Variants in COL23A1 observed in about 807,000 individuals in gnomAD.
COL23A1 encodes collagen type XXIII alpha 1 chain.
A neutral mutation model predicts 99.3 loss-of-function variants in COL23A1; 97 were observed. That is an observed-to-expected ratio of 0.98 (90% CI 0.83 to 1.16). The LOEUF (loss-of-function observed/expected upper bound fraction) is 1.16. COL23A1 is among the 50% of genes most tolerant of loss of function. COL23A1 has a pLI of 0.00. For missense variants in COL23A1, 762 were observed against 757.4 expected, an observed-to-expected ratio of 1.01 and a Z score of -0.07; for synonymous variants, 320 against 308.2, an observed-to-expected ratio of 1.04 and a Z score of -0.40.
intron 2 of COL23A1, among the ~76,000 whole-genome samples, chr5:178,419,634 C>T (rs72822890): frequency 0.039 from 5,966 of 152,304 alleles, 144 homozygotes; most frequent in Middle Eastern, 0.065. Flanking sequence ...GTTTCCTCCT[C>T]TTCTCCCCAC....
intron 5 of COL23A1, among the ~76,000 whole-genome samples, chr5:178,282,619 G>C (rs1452065203): frequency 6.6e-6 from 1 of 152,220 alleles, no homozygotes; most frequent in Non-Finnish European, 1.5e-5. Flanking sequence ...GCTAAGTCCT[G>C]TCACCCTCTG....
chr5:178,579,817 A>G (rs1351168902), intron 1 of COL23A1, among the ~76,000 whole-genome samples: 1 of 152,120 alleles, frequency 6.6e-6, no homozygotes, highest in East Asian at 1.9e-4. Context: ...GGATGTCCAC[A>G]CTCGCAGAAA....
At chr5:178,486,362 A>C (rs1359006355) in intron 2 of COL23A1, among the ~76,000 whole-genome samples, 2 of 152,226 alleles carry the variant, frequency 1.3e-5, no homozygotes, top group East Asian at 3.8e-4. Flanking sequence ...TGAGGCAAAG[A>C]AATCCTGCAG....
At chr5:178,418,174 A>G (rs1379360903) in intron 2 of COL23A1, among the ~76,000 whole-genome samples, 1 of 152,240 alleles carries the variant, frequency 6.6e-6, no homozygotes, top group Non-Finnish European at 1.5e-5. Context: ...CATAATGTGT[A>G]AAATGTGATA....
intron 2 of COL23A1, among the ~76,000 whole-genome samples, chr5:178,311,534 T>G (rs1362185748): frequency 7.0e-6 from 1 of 143,632 alleles, no homozygotes; most frequent in Non-Finnish European, 1.5e-5. Context: ...GTGTGTGTAA[T>G]GCGGGGCTTT....
intron 2 of COL23A1, among the ~76,000 whole-genome samples, chr5:178,532,902 G>C (rs114041353): frequency 3.9e-5 from 6 of 152,164 alleles, no homozygotes; most frequent in Admixed American, 6.5e-5. Context: ...ACCCGACCAC[G>C]CTGGCCCTGA....
chr5:178,490,394 G>A (rs1210982348), intron 2 of COL23A1, among the ~76,000 whole-genome samples: 1 of 152,102 alleles, frequency 6.6e-6, no homozygotes, highest in Non-Finnish European at 1.5e-5. Flanking sequence ...ATCTAGAATG[G>A]ACAGATTTAC....
intron 2 of COL23A1, among the ~76,000 whole-genome samples, chr5:178,513,397 C>T (rs1562040966): frequency 6.6e-6 from 1 of 152,200 alleles, no homozygotes; most frequent in Non-Finnish European, 1.5e-5. Flanking sequence ...AGCTGGAAAG[C>T]AGCAGAGAGG....
chr5:178,344,373 A>T (rs551493339), intron 2 of COL23A1, among the ~76,000 whole-genome samples: 1 of 152,274 alleles, frequency 6.6e-6, no homozygotes, highest in Admixed American at 6.5e-5. Context: ...GTGGTGGCTC[A>T]CGCCTGTAAT....
In COL23A1 at chr5:178,298,101, G is replaced by A. The variant is rs548880389; in HGVS notation, c.407-7732C>T. Among the ~76,000 whole-genome samples, 6 of 151,402 alleles carry A rather than the reference G, an allele frequency of 4.0e-5. No individual in the cohort carries two copies. In the South Asian group the frequency reaches 1.2e-3, roughly 32 times the overall value. ...CAAACATGTGTTCCAAGCATAGGAT[G>A]GTTCCACTGACTTTGCTGTCAGGAA... On this transcript the variant is annotated intron_variant, in intron 3 of 28. Coordinates refer to ENST00000390654, the MANE Select transcript of COL23A1 (RefSeq NM_173465.4).
chr5:178,424,771 C>A (rs1415592733), intron 2 of COL23A1, among the ~76,000 whole-genome samples: 1 of 152,220 alleles, frequency 6.6e-6, no homozygotes, highest in Non-Finnish European at 1.5e-5. Flanking sequence ...GAGTTACAGA[C>A]ACTGAATCCA....
intron 20 of COL23A1, 77 bp from the exon 21 acceptor site, chr5:178,247,908 T>C: frequency 7.7e-7 from 1 of 1,290,902 alleles, no homozygotes; most frequent in East Asian, 2.4e-5. Context: ...CATCGCACAC[T>C]GCTGGATCGA....
At chr5:178,335,518 G>C (rs1436681666) in intron 2 of COL23A1, among the ~76,000 whole-genome samples, 1 of 152,184 alleles carries the variant, frequency 6.6e-6, no homozygotes, top group East Asian at 1.9e-4. Flanking sequence ...CAGCGCCTGG[G>C]CATGTACCAG....
rs1030615900 is a variant in COL23A1 at position 178,309,281 on chromosome 5, G to T, written c.362-2362C>A. 3.0e-4 allele frequency among the ~76,000 whole-genome samples: 46 copies of T among 152,182 alleles called. No individual in the cohort carries two copies. The highest frequency in any genetic ancestry group is 9.9e-4 in the African/African-American group (41 of 41,450). On this transcript the variant is annotated intron_variant, in intron 2 of 28. Transcript: ENST00000390654. The surrounding 1 kb of genome is among the most constrained non-coding windows in gnomAD (Gnocchi z 4.7). ...TGATGGGGAGGGATGCTGGCAGGGT[G>T]GGCAGCTGCCCAGGCAGGGTAGGGT... is the stretch of plus-strand genomic sequence containing the variant.
intron 2 of COL23A1, among the ~76,000 whole-genome samples, chr5:178,494,239 C>T (rs904097364): frequency 1.1e-4 from 16 of 152,174 alleles, no homozygotes; most frequent in Admixed American, 4.6e-4. Context: ...CCGACAAGGA[C>T]ATGTGAGATT....
rs1054234493 is a variant in COL23A1 at position 178,327,982 on chromosome 5, G to A, written c.362-21063C>T. Among the ~76,000 whole-genome samples, 7 of 152,192 alleles carry A rather than the reference G, an allele frequency of 4.6e-5. No individual in the cohort carries two copies. In the South Asian group the frequency reaches 1.0e-3, roughly 22 times the overall value. ...CAGCTAGGGCTGAAGGACTGACAAC[G>A]AGGACCTTGCCTGCAGAGCAGAGAC... is the stretch of plus-strand genomic sequence containing the variant. On this transcript the variant is annotated intron_variant, in intron 2 of 28. Transcript: ENST00000390654.
chr5:178,243,195 A>G (rs1050679116), intron 25 of COL23A1, among the ~76,000 whole-genome samples: 1 of 30,726 alleles, frequency 3.3e-5, no homozygotes, highest in African/African-American at 8.2e-5. Flanking sequence ...GTCTCAAAAA[A>G]CAAACAAAGA....
intron 2 of COL23A1, among the ~76,000 whole-genome samples, chr5:178,532,541 G>C (rs1365575931): frequency 6.6e-6 from 1 of 152,114 alleles, no homozygotes; most frequent in African/African-American, 2.4e-5. Context: ...ACCCCATACA[G>C]GCGAGGGGCT....
chr5:178,434,666 G>A lies in COL23A1; in HGVS notation c.361+126016C>T, dbSNP rs1766454749. ...GGGGGGCTCTGGCCCTGGTGCTGCT[G>A]AGGGAGGGAAGAATCTGACCCTACC... On this transcript the variant is annotated intron_variant, in intron 2 of 28. Transcript: ENST00000390654. The surrounding 1 kb of genome is among the most constrained non-coding windows in gnomAD (Gnocchi z 4.3). Among the ~76,000 whole-genome samples the A allele has an allele frequency of 1.3e-5, 2 of 152,216 alleles. No individual in the cohort carries two copies. The highest frequency in any genetic ancestry group is 1.3e-4 in the Admixed American group (2 of 15,290).
Sources: gnomAD v4.1 joint callset for allele counts (sites outside exome capture counted in the v4.1 genomes callset) on GRCh38, gnomAD v4.1.1 for gene constraint, Gnocchi (gnomAD v3.1) non-coding constraint, MANE v1.5 for transcripts, NCBI Gene and HGNC (gene_info 2026-07-23, HGNC 2026-07-21) for gene names.